The following B3GALT1 variants were observed in gnomAD, a reference collection of about 807,000 sequenced individuals.
The protein encoded by B3GALT1 is UDP-Gal:betaGlcNAc beta 1,3-galactosyltransferase, polypeptide 1.
B3GALT1 carries 10 observed loss-of-function variants against 23.2 expected under a neutral mutation model. The ratio of observed to expected loss-of-function variants is 0.43; its 90% CI spans 0.27 to 0.73. The LOEUF is 0.73. Ranked by LOEUF, B3GALT1 falls within the 30% of genes least tolerant of loss-of-function variation. The probability of loss-of-function intolerance (pLI) is 0.21; values close to 1 mark genes in which losing one functional copy is unlikely to be tolerated. For missense variants in B3GALT1, 299 were observed against 405.4 expected (o/e 0.74, Z 2.25); for synonymous variants, 156 against 141.5 (o/e 1.10, Z -0.73).
At chr2:167,444,531 G>T (rs1260465722) in intron 1 of B3GALT1, among the ~76,000 whole-genome samples, 2 of 152,034 alleles carry the variant, frequency 1.3e-5, no homozygotes, top group Non-Finnish European at 1.5e-5. Context: ...ATTAATTATT[G>T]CCTCAATTTC....
At chr2:167,820,625 A>G (rs950643991) in intron 4 of B3GALT1, among the ~76,000 whole-genome samples, 3 of 152,202 alleles carry the variant, frequency 2.0e-5, no homozygotes, top group African/African-American at 7.2e-5. Context: ...TGGACCCACA[A>G]TGGACCTGTA....
intron 1 of B3GALT1, among the ~76,000 whole-genome samples, chr2:167,367,836 C>T (rs1697613517): frequency 6.6e-6 from 1 of 152,166 alleles, no homozygotes; most frequent in Non-Finnish European, 1.5e-5. Context: ...TTGCTAACAT[C>T]CCTTTACACT....
intron 3 of B3GALT1, among the ~76,000 whole-genome samples, chr2:167,763,122 T>G (rs1205011607): frequency 2.0e-5 from 3 of 152,230 alleles, no homozygotes; most frequent in Non-Finnish European, 4.4e-5. Context: ...ATTTATTTAT[T>G]TATTGTTAAA....
chr2:167,577,840 T>C (rs1474437275), intron 2 of B3GALT1, among the ~76,000 whole-genome samples: 1 of 151,840 alleles, frequency 6.6e-6, no homozygotes, highest in African/African-American at 2.4e-5. Context: ...TTAACCTAGC[T>C]ACTCTATATT....
chr2:167,866,133 T>C (rs1027370256), intron 4 of B3GALT1, among the ~76,000 whole-genome samples: 4 of 152,236 alleles, frequency 2.6e-5, no homozygotes, highest in Non-Finnish European at 4.4e-5. Context: ...AAGATTCAAC[T>C]TGGTTCCCCT....
At chr2:167,806,168 A>G (rs562326067) in intron 3 of B3GALT1, among the ~76,000 whole-genome samples, 1 of 152,236 alleles carries the variant, frequency 6.6e-6, no homozygotes, top group Admixed American at 6.5e-5. Flanking sequence ...TGATTTTTGT[A>G]CATTGATTTT....
intron 3 of B3GALT1, among the ~76,000 whole-genome samples, chr2:167,784,745 T>C (rs1339851438): frequency 6.6e-6 from 1 of 152,180 alleles, no homozygotes; most frequent in African/African-American, 2.4e-5. Flanking sequence ...AACAATGCTG[T>C]ATTAAAAAGG....
chr2:167,825,058 G>A (rs910305716), intron 4 of B3GALT1, among the ~76,000 whole-genome samples: 1 of 151,952 alleles, frequency 6.6e-6, no homozygotes. Flanking sequence ...GGCCGAGGTG[G>A]GCAGATCACC....
At chr2:167,829,476 C>CCATCT (rs1553492402) in intron 4 of B3GALT1, among the ~76,000 whole-genome samples, 1 of 149,772 alleles carries the variant, frequency 6.7e-6, no homozygotes, top group Non-Finnish European at 1.5e-5. Context: ...GTGCAAGACT[C>CCATCT]CATCTCAAGG....
chr2:167,415,234 A>G (rs949305337), intron 1 of B3GALT1, among the ~76,000 whole-genome samples: 3 of 152,150 alleles, frequency 2.0e-5, no homozygotes, highest in African/African-American at 7.2e-5. Context: ...TTACCATTGA[A>G]GTGGGACTGG....
At chr2:167,732,023 T>C (rs1687418214) in intron 3 of B3GALT1, among the ~76,000 whole-genome samples, 1 of 152,174 alleles carries the variant, frequency 6.6e-6, no homozygotes, top group South Asian at 2.1e-4. Context: ...GGAAGGGCAG[T>C]TTTTTATACA....
intron 2 of B3GALT1, among the ~76,000 whole-genome samples, chr2:167,597,624 C>T (rs767415523): frequency 6.6e-6 from 1 of 152,182 alleles, no homozygotes; most frequent in Non-Finnish European, 1.5e-5. Flanking sequence ...TGAACTAGCT[C>T]CAGTCTGCAA....
At chr2:167,760,925 C>T (rs1347940838) in intron 3 of B3GALT1, among the ~76,000 whole-genome samples, 4 of 152,094 alleles carry the variant, frequency 2.6e-5, no homozygotes, top group African/African-American at 9.7e-5. Context: ...CTATATGCAC[C>T]GTTGCATACA....
At chr2:167,781,893 C>T (rs1049922981) in intron 3 of B3GALT1, among the ~76,000 whole-genome samples, 1 of 152,094 alleles carries the variant, frequency 6.6e-6, no homozygotes, top group Non-Finnish European at 1.5e-5. Flanking sequence ...AGGTGTGTGC[C>T]CCTACGCCCA....
chr2:167,540,522 G>A (rs1451651366), intron 2 of B3GALT1, among the ~76,000 whole-genome samples: 1 of 152,162 alleles, frequency 6.6e-6, no homozygotes, highest in Non-Finnish European at 1.5e-5. Context: ...TTTCTTCTAA[G>A]TATTGAAAAC....
chr2:167,447,606 T>G (rs1337075290), intron 1 of B3GALT1, among the ~76,000 whole-genome samples: 2 of 152,064 alleles, frequency 1.3e-5, no homozygotes, highest in African/African-American at 2.4e-5. Context: ...CAGTTGGATC[T>G]CAGACTGCTG....
chr2:167,306,862 C>G (rs1191695433), intron 1 of B3GALT1, among the ~76,000 whole-genome samples: 4 of 151,954 alleles, frequency 2.6e-5, no homozygotes, highest in Non-Finnish European at 4.4e-5. Flanking sequence ...TGGTCTTTCT[C>G]TTTCTTAAAC....
rs114166379 is a variant in B3GALT1, at chr2:167,712,505, C to T, written c.-352+65539C>T. Among the ~76,000 whole-genome samples the T allele has an allele frequency of 1.4e-3, 215 of 151,890 alleles. 1 individual carries two copies. Among genetic ancestry groups the T allele is most frequent in the Non-Finnish European group, 2.5e-3 (170 of 67,962 alleles). On this transcript the variant is annotated intron_variant, in intron 3 of 4. Transcript: ENST00000392690. ...GGGAAGCAAAACCCAGCATTTCCTC[C>T]AGGAGCCTGATCCTCAGCTTGGCCC...
At chr2:167,325,369 T>C (rs188288054) in intron 1 of B3GALT1, among the ~76,000 whole-genome samples, 22 of 152,054 alleles carry the variant, frequency 1.4e-4, no homozygotes, top group South Asian at 2.1e-4. Context: ...CAGGGAGCTT[T>C]TACTTGTGGA....
Sources: allele counts gnomAD v4.1 joint callset (sites outside exome capture counted in the v4.1 genomes callset), GRCh38; gene constraint gnomAD v4.1.1; transcripts MANE v1.5; gene names NCBI Gene and HGNC (gene_info 2026-07-23, HGNC 2026-07-21).